The following CACNA1G variants were observed in gnomAD, a reference collection of about 807,000 sequenced individuals.
The protein encoded by CACNA1G is calcium voltage-gated channel subunit alpha1 G.
In CACNA1G, 67 loss-of-function variants were observed where a neutral mutation model predicts 219.4. The ratio of observed to expected loss-of-function variants is 0.31; its 90% confidence interval spans 0.25 to 0.37. The LOEUF is 0.37. Among genes scored for constraint, CACNA1G ranks in the 10% least tolerant of loss-of-function variants. The probability of loss-of-function intolerance (pLI) is 1.00; values close to 1 mark genes in which losing one functional copy is unlikely to be tolerated. For missense variants in CACNA1G, 2,380 were observed against 3,231.4 expected (o/e 0.74, Z 6.39); for synonymous variants, 1,296 against 1,345.3 (o/e 0.96, Z 0.80).
rs1267068429 is a variant in CACNA1G at position 50,623,723 on chromosome 17, G to A, written c.6061-184G>A. On this transcript the variant is annotated intron_variant, in intron 35 of 37. Coordinates refer to ENST00000359106, the MANE Select transcript of CACNA1G (RefSeq NM_018896.5). Reference sequence around the variant, plus strand: ...TACCTGCTTCCTCCCCGCGTGTGGAGGGCTCATCCATGTGTCTGCCCCTCT... The same window carrying A: ...TACCTGCTTCCTCCCCGCGTGTGGAAGGCTCATCCATGTGTCTGCCCCTCT... Among the ~76,000 whole-genome samples, 4 of 152,246 alleles carry A rather than the reference G, an allele frequency of 2.6e-5. No individual in the cohort carries two copies. In the South Asian group the frequency reaches 6.2e-4, roughly 24 times the overall value.
intron 27 of CACNA1G, 75 bp downstream of exon 27, chr17:50,615,587 T>G: frequency 6.6e-7 from 1 of 1,513,700 alleles, no homozygotes; most frequent in Non-Finnish European, 9.0e-7. Context: ...TAACACAGCC[T>G]GAGCCAGGGT....
intron 22 of CACNA1G, among the ~76,000 whole-genome samples, chr17:50,604,591 GAT>G (rs2047538208): frequency 1.3e-5 from 2 of 152,236 alleles, no homozygotes; most frequent in Non-Finnish European, 2.9e-5. Context: ...TCTACTCCGG[GAT>G]CCCCTCCCTT....
chr17:50,612,577 G>A (rs547836415), intron 26 of CACNA1G, among the ~76,000 whole-genome samples: 5 of 152,364 alleles, frequency 3.3e-5, no homozygotes, highest in South Asian at 4.1e-4. Context: ...GGCCTCTGCC[G>A]TGGGGGGCCT....
rs779459992 is a variant in CACNA1G at position 50,621,647 on chromosome 17, TCTCC to T, written c.5926-10_5926-7del. ...CTGGTTTCTCATGCCTGATCATCTC[TCTCC>T]CTGTCTAGATCCCTCTAGCTGAGAT... On this transcript the variant is annotated splice_polypyrimidine_tract_variant and intron_variant, in intron 34 of 37. Coordinates refer to ENST00000359106, the MANE Select transcript of CACNA1G (RefSeq NM_018896.5). This position sits in a 1 kb window ranked among gnomAD's most constrained non-coding sequence, Gnocchi z 4.6. 2.5e-6 allele frequency: 4 copies of T among 1,613,168 alleles called. No homozygotes were observed. Among genetic ancestry groups the T allele is most frequent in the Non-Finnish European group, 3.4e-6 (4 of 1,179,338 alleles).
At chr17:50,607,444 G>A (rs756301760) in intron 24 of CACNA1G, 39 of 341,278 alleles carry the variant, frequency 1.1e-4, no homozygotes, top group Non-Finnish European at 2.1e-4. Context: ...AATAAGCTGT[G>A]ATCGCACCAC....
intron 9 of CACNA1G, among the ~76,000 whole-genome samples, chr17:50,579,452 A>G (rs1314312060): frequency 1.3e-5 from 2 of 152,130 alleles, no homozygotes; most frequent in African/African-American, 4.8e-5. Flanking sequence ...TGGGGGTCCA[A>G]GCAGGCACCA....
Position 50,604,230 on chromosome 17 carries a change from T to C in CACNA1G, c.4245T>C (p.Ile1415=). The stretch of plus-strand genomic sequence containing the variant: ...CCTCACTGAAACCCATCGGCAACAT[T>C]GTAGTCATCTGCTGTGCCTTCTTCA... ...LMSSLKPIGN[I]VVICCAFFII... Residue 1415 remains isoleucine (I), a synonymous_variant, in exon 22 of 38, where the codon ATT becomes ATC. Coordinates refer to ENST00000359106, the MANE Select transcript of CACNA1G (RefSeq NM_018896.5). The C allele has an allele frequency of 1.2e-6, 2 of 1,613,800 alleles. No individual in the cohort carries two copies. The highest frequency in any genetic ancestry group is 1.7e-6 in the Non-Finnish European group (2 of 1,179,770).
At chr17:50,592,232 G>T (rs2044473283) in intron 13 of CACNA1G, 140 bp downstream of exon 13, 1 of 831,782 alleles carries the variant, frequency 1.2e-6, no homozygotes, top group Non-Finnish European at 1.8e-6. Context: ...GACTAAGCCG[G>T]GGTGGACCAG....
At position 50,605,926 on chromosome 17, in the gene CACNA1G, A is replaced by G. The variant is rs2047867072; in HGVS notation, c.4325A>G (p.Gln1442Arg). 1 of 1,613,522 alleles carries G rather than the reference A, an allele frequency of 6.2e-7. No homozygotes were observed. ...QLFKGKFFVCQGEDTRNITNK... is the reference protein window; with the variant it reads ...QLFKGKFFVCRGEDTRNITNK... ...TTCAAAGGGAAGTTTTTCGTGTGCC[A>G]GGGCGAGGATACCAGGAACATCACC... is the stretch of plus-strand genomic sequence containing the variant. Residue 1442 changes from glutamine (Q) to arginine (R), a missense_variant, in exon 23 of 38, where the codon CAG becomes CGG. Physicochemically the swap from Gln to Arg is conservative, Grantham distance 43 (BLOSUM62 1). Coordinates refer to ENST00000359106, the MANE Select transcript of CACNA1G (RefSeq NM_018896.5).
At chr17:50,624,631 G>C in intron 37 of CACNA1G, 102 bp downstream of exon 37, 2 of 1,181,726 alleles carry the variant, frequency 1.7e-6, no homozygotes, top group Non-Finnish European at 2.4e-6. Context: ...AATATTTATT[G>C]TGTGCCAGTG....
chr17:50,573,016 C>G lies in CACNA1G; in HGVS notation c.1048-5C>G, dbSNP rs57768644. The G allele has an allele frequency of 3.3e-5, 52 of 1,577,084 alleles. No individual in the cohort carries two copies. Among genetic ancestry groups the G allele is most frequent in the Non-Finnish European group, 4.1e-5 (48 of 1,160,290 alleles). ...ATAGTCAGCCTGCCCCTCTGCACCC[C>G]CTAGGTCATCACGCTGGAGGGCTGG... On this transcript the variant is annotated splice_region_variant and splice_polypyrimidine_tract_variant and intron_variant, in intron 6 of 37. Transcript: ENST00000359106.
intron 17 of CACNA1G, 116 bp downstream of exon 17, chr17:50,599,975 G>T (rs2046303458): frequency 9.5e-7 from 1 of 1,049,734 alleles, no homozygotes; most frequent in Non-Finnish European, 1.4e-6. Context: ...ATATCAAGGG[G>T]CACCTAGAAA....
rs749680889 is a variant in CACNA1G, at chr17:50,591,516, G to A, written c.2535G>A (p.Val845=). 9.9e-6 allele frequency: 16 copies of A among 1,610,832 alleles called. No homozygotes were observed. In the East Asian group the frequency reaches 2.7e-4, roughly 27 times the overall value. ...TFRLMRVLKL[V]RFLPALQRQL... is the part of the protein sequence containing the mutation. ...GCCTGATGCGTGTGCTGAAGCTGGT[G>A]CGCTTCCTGCCGGCGCTGCAGCGGC... Residue 845 remains valine (V), a synonymous_variant, in exon 11 of 38, where the codon GTG becomes GTA. Transcript: ENST00000359106.
chr17:50,573,779 C>T (rs186056902), intron 7 of CACNA1G: 1 of 152,372 alleles, frequency 6.6e-6, no homozygotes, highest in African/African-American at 2.4e-5. Context: ...GCAAAAGCAG[C>T]AATATTTAAT....
At chr17:50,592,188 G>A in intron 13 of CACNA1G, 96 bp downstream of exon 13, 7 of 1,364,870 alleles carry the variant, frequency 5.1e-6, no homozygotes, top group Non-Finnish European at 6.0e-6. Context: ...GCCAACTTTG[G>A]GGGCCTGGGA....
Position 50,618,452 on chromosome 17 carries a change from C to T in CACNA1G, c.5427+109C>T, listed in dbSNP as rs987061493. ...AAATAAAAGCATGTGACCTTCTCTCCCCCGTGCTAGAACACTCTGGAACTC... is the reference window on the plus strand; with the variant it reads ...AAATAAAAGCATGTGACCTTCTCTCTCCCGTGCTAGAACACTCTGGAACTC... On this transcript the variant is annotated intron_variant, in intron 32 of 37. Transcript: ENST00000359106. This position sits in a 1 kb window ranked among gnomAD's most constrained non-coding sequence, Gnocchi z 5.3. 2.8e-6 allele frequency: 4 copies of T among 1,447,572 alleles called. No homozygotes were observed. The highest frequency in any genetic ancestry group is 1.4e-5 in the African/African-American group (1 of 71,680). 89.7% of individuals were successfully genotyped at this position (1,447,572 alleles called of 1,614,324 possible). A position where few individuals can be genotyped will look rare whatever the true frequency, so the allele number is the denominator to read the frequency against.
chr17:50,610,707 C>T (rs982986323), intron 26 of CACNA1G, among the ~76,000 whole-genome samples: 3 of 152,082 alleles, frequency 2.0e-5, no homozygotes, highest in Non-Finnish European at 1.5e-5. Context: ...ATCCCCAAGG[C>T]CCCCAGTTAT....
At chr17:50,577,177 A>G (rs2040867857) in intron 8 of CACNA1G, among the ~76,000 whole-genome samples, 1 of 152,076 alleles carries the variant, frequency 6.6e-6, no homozygotes, top group African/African-American at 2.4e-5. Context: ...GGCCAGTCAC[A>G]TGCACCCACG....
rs1051546563 is a variant in CACNA1G, at chr17:50,591,839, G to A, written c.2740G>A (p.Val914Ile). The A allele has an allele frequency of 1.9e-6, 3 of 1,613,940 alleles. No homozygotes were observed. Among genetic ancestry groups the A allele is most frequent in the Non-Finnish European group, 2.5e-6 (3 of 1,179,856 alleles). ...KNFDSLLWAI[V>I]TVFQILTQED... The stretch of plus-strand genomic sequence containing the variant: ...TTTTGACTCCTTGCTCTGGGCCATC[G>A]TCACTGTCTTTCAGGTGCGAGGGTA... Residue 914 changes from valine (V) to isoleucine (I), a missense_variant, in exon 12 of 38, where the codon GTC becomes ATC. Val to Ile is a conservative substitution (Grantham distance 29). This residue lies in a region of CACNA1G where 43 missense variants were observed against 139.4 expected (regional missense o/e 0.31). Transcript: ENST00000359106.
Sources: gnomAD v4.1 joint callset for allele counts (sites outside exome capture counted in the v4.1 genomes callset) on GRCh38, gnomAD v4.1.1 for gene constraint, gnomAD v4.1.1 regional missense constraint, Gnocchi (gnomAD v3.1) non-coding constraint, MANE v1.5 for transcripts, NCBI Gene and HGNC (gene_info 2026-07-23, HGNC 2026-07-21) for gene names.